The following GPM6A variants were observed in gnomAD, a reference collection of about 807,000 sequenced individuals.
GPM6A encodes the protein neuronal membrane glycoprotein M6-a.
Under a neutral mutation model 32.1 loss-of-function variants are expected in GPM6A, and 7 were observed. That is an observed-to-expected ratio of 0.22 (90% confidence interval 0.12 to 0.41). The LOEUF (loss-of-function observed/expected upper bound fraction) is 0.41. Among genes scored for constraint, GPM6A ranks in the 10% least tolerant of loss-of-function variants. The pLI is 1.00. For synonymous variants in GPM6A, 130 were observed against 123.4 expected (o/e 1.05, Z -0.35); for missense variants, 235 against 347.2 (o/e 0.68, Z 2.57).
chr4:175,736,220 T>A (rs62336027), intron 1 of GPM6A, among the ~76,000 whole-genome samples: 7,031 of 152,192 alleles, frequency 0.046, 221 homozygotes, highest in Non-Finnish European at 0.076. Flanking sequence ...CTTGCTATGT[T>A]GCTCAGGCTG....
At chr4:175,733,280 G>A (rs1419250970) in intron 1 of GPM6A, among the ~76,000 whole-genome samples, 1 of 151,910 alleles carries the variant, frequency 6.6e-6, no homozygotes, top group African/African-American at 2.4e-5. Flanking sequence ...GAGGCAGGCG[G>A]ATCATGAGGT....
chr4:175,861,473 C>A (rs1289242763), intron 1 of GPM6A, among the ~76,000 whole-genome samples: 1 of 151,114 alleles, frequency 6.6e-6, no homozygotes, highest in Non-Finnish European at 1.5e-5. Flanking sequence ...ATATACTGGC[C>A]AGGCACAGTG....
intron 1 of GPM6A, among the ~76,000 whole-genome samples, chr4:175,935,519 C>G (rs1739189098): frequency 6.6e-6 from 1 of 152,098 alleles, no homozygotes; most frequent in African/African-American, 2.4e-5. Flanking sequence ...TCTAAAACCA[C>G]TACTGGAACA....
intron 1 of GPM6A, among the ~76,000 whole-genome samples, chr4:175,903,982 G>T (rs73871262): frequency 6.6e-6 from 1 of 152,002 alleles, no homozygotes; most frequent in Non-Finnish European, 1.5e-5. Context: ...CATGTGAAGA[G>T]AATATTTTTC....
intron 1 of GPM6A, among the ~76,000 whole-genome samples, chr4:175,958,851 T>C (rs556241107): frequency 4.1e-4 from 63 of 152,360 alleles, no homozygotes; most frequent in Non-Finnish European, 7.6e-4. Context: ...TACAAAAAGC[T>C]ACTCAGATCC....
intron 1 of GPM6A, among the ~76,000 whole-genome samples, chr4:175,770,202 A>G (rs912050457): frequency 1.3e-5 from 2 of 151,920 alleles, no homozygotes; most frequent in African/African-American, 4.8e-5. Flanking sequence ...AGTTTTTTGT[A>G]CTTAGTAGAG....
chr4:175,885,126 A>G (rs539865289), intron 1 of GPM6A, among the ~76,000 whole-genome samples: 1 of 152,318 alleles, frequency 6.6e-6, no homozygotes, highest in East Asian at 1.9e-4. Context: ...CCTGAACACA[A>G]CACAGCCATT....
At chr4:175,729,858 G>C (rs1326749270) in intron 1 of GPM6A, among the ~76,000 whole-genome samples, 2 of 143,168 alleles carry the variant, frequency 1.4e-5, no homozygotes, top group Non-Finnish European at 3.0e-5. Context: ...ATGTATATAT[G>C]TATTTAATGT....
chr4:175,770,248 A>T (rs1226120698), intron 1 of GPM6A, among the ~76,000 whole-genome samples: 1 of 152,058 alleles, frequency 6.6e-6, no homozygotes. Context: ...TTGGTCTCGA[A>T]CTCCTGACCT....
intron 1 of GPM6A, among the ~76,000 whole-genome samples, chr4:175,714,963 C>T (rs144224109): frequency 1.1e-4 from 16 of 140,792 alleles, no homozygotes; most frequent in African/African-American, 2.9e-4. Context: ...GGTGGAGACA[C>T]GTTTCTGATG....
chr4:175,801,550 G>C (rs958661485), intron 1 of GPM6A, among the ~76,000 whole-genome samples: 5 of 152,080 alleles, frequency 3.3e-5, no homozygotes, highest in Non-Finnish European at 7.4e-5. Flanking sequence ...GTTAATAGGA[G>C]AGAATTTTCC....
intron 6 of GPM6A, among the ~76,000 whole-genome samples, chr4:175,637,140 T>TGTG (rs1174277332): frequency 1.1e-4 from 12 of 108,496 alleles, no homozygotes; most frequent in East Asian, 2.5e-4. Flanking sequence ...ATATATTATA[T>TGTG]ATGATATATT....
At chr4:175,928,879 T>C (rs1738933130) in intron 1 of GPM6A, among the ~76,000 whole-genome samples, 1 of 152,216 alleles carries the variant, frequency 6.6e-6, no homozygotes, top group Non-Finnish European at 1.5e-5. Context: ...ACTAAAGTAA[T>C]GAAGCTCTAC....
At chr4:175,964,313 A>G (rs1346290636) in intron 1 of GPM6A, among the ~76,000 whole-genome samples, 1 of 152,170 alleles carries the variant, frequency 6.6e-6, no homozygotes, top group Non-Finnish European at 1.5e-5. Flanking sequence ...AACAACAACA[A>G]CAACAACAAA....
chr4:175,923,114 G>C (rs1014952978), intron 1 of GPM6A, among the ~76,000 whole-genome samples: 2 of 150,718 alleles, frequency 1.3e-5, no homozygotes, highest in African/African-American at 4.9e-5. Flanking sequence ...TCTTTTTCTA[G>C]AAAATATAAA....
rs116392565 is a variant in GPM6A, at chr4:175,830,645, A to G, written c.-22-18396T>C. Among the ~76,000 whole-genome samples the G allele has an allele frequency of 8.9e-3, 1,358 of 152,324 alleles. 10 individuals carry two copies. The highest frequency in any genetic ancestry group is 0.036 in the Admixed American group (551 of 15,302). On this transcript the variant is annotated intron_variant, in intron 1 of 7. Coordinates refer to the GPM6A transcript ENST00000280187. ...GGCAGAGTTGAGATTCAAAGCAAGT[A>G]GGTTTCTTCAGCGTCCATATCTTTC...
chr4:175,736,494 TA>T (rs139785212), intron 1 of GPM6A, among the ~76,000 whole-genome samples: 2 of 152,254 alleles, frequency 1.3e-5, no homozygotes, highest in African/African-American at 4.8e-5. Context: ...AGGTTTTCTT[TA>T]AAAAAATTTG....
chr4:175,960,991 T>G (rs1561012787), intron 1 of GPM6A, among the ~76,000 whole-genome samples: 1 of 152,260 alleles, frequency 6.6e-6, no homozygotes, highest in African/African-American at 2.4e-5. Flanking sequence ...ACATACTGTT[T>G]AATGCACAAG....
chr4:175,866,513 G>T (rs1736744047), intron 1 of GPM6A, among the ~76,000 whole-genome samples: 1 of 152,072 alleles, frequency 6.6e-6, no homozygotes, highest in South Asian at 2.1e-4. Context: ...TTAGAATCAT[G>T]GAGTATGTAG....
Sources: allele counts gnomAD v4.1 joint callset (sites outside exome capture counted in the v4.1 genomes callset), GRCh38; gene constraint gnomAD v4.1.1; transcripts MANE v1.5; gene names NCBI Gene and HGNC (gene_info 2026-07-23, HGNC 2026-07-21).